SMYD3: variants seen among roughly 807,000 people sequenced by gnomAD.
SMYD3 encodes histone-lysine N-methyltransferase SMYD3.
In SMYD3, 36 loss-of-function variants were observed where a neutral mutation model predicts 57.7. The ratio of observed to expected loss-of-function variants is 0.62; its 90% CI spans 0.48 to 0.82. The LOEUF is 0.82. SMYD3 is among the 40% of genes least tolerant of loss of function. The pLI is 0.00. For missense variants in SMYD3, 515 were observed against 538.8 expected, an observed-to-expected ratio of 0.96 and a Z score of 0.44; for synonymous variants, 211 against 195.0, an observed-to-expected ratio of 1.08 and a Z score of -0.68.
Position 246,180,700 on chromosome 1 carries a change from A to G in SMYD3, c.531+146501T>C, listed in dbSNP as rs113764695. 1.8e-3 allele frequency among the ~76,000 whole-genome samples: 235 copies of G among 131,598 alleles called. 1 individual carries two copies. Among genetic ancestry groups the G allele is most frequent in the African/African-American group, 6.1e-3 (218 of 35,810 alleles). 86.3% of individuals were successfully genotyped at this position (131,598 alleles called of 152,430 possible). On this transcript the variant is annotated intron_variant, in intron 5 of 11. Transcript: ENST00000490107. ...CTTGAACCTGGGAGGCAGTGCTTGC[A>G]GTGAGCTGAGATCGCACCACCACAC... is the stretch of plus-strand genomic sequence containing the variant.
intron 10 of SMYD3, among the ~76,000 whole-genome samples, chr1:245,812,388 C>G (rs1332391814): frequency 1.3e-5 from 2 of 152,180 alleles, no homozygotes; most frequent in African/African-American, 4.8e-5. Context: ...AAACCTTCCC[C>G]TACTACCAGG....
At chr1:246,204,747 C>A (rs1350643827) in intron 5 of SMYD3, among the ~76,000 whole-genome samples, 1 of 152,184 alleles carries the variant, frequency 6.6e-6, no homozygotes, top group East Asian at 1.9e-4. Flanking sequence ...GTCCATTTAT[C>A]TGCATGCTTA....
intron 5 of SMYD3, among the ~76,000 whole-genome samples, chr1:246,047,064 A>G (rs1046126391): frequency 6.6e-6 from 1 of 152,236 alleles, no homozygotes; most frequent in African/African-American, 2.4e-5. Context: ...TTAAAATGTC[A>G]TGCTTTCTAA....
intron 1 of SMYD3, among the ~76,000 whole-genome samples, chr1:246,406,282 AT>A (rs2102977309): frequency 6.6e-6 from 1 of 152,282 alleles, no homozygotes; most frequent in South Asian, 2.1e-4. Context: ...AAATGACACA[AT>A]GTTTGTAAAT....
intron 5 of SMYD3, among the ~76,000 whole-genome samples, chr1:246,015,768 TC>T (rs1306470564): frequency 8.5e-5 from 13 of 152,336 alleles, no homozygotes; most frequent in African/African-American, 2.9e-4. Flanking sequence ...TGTCAAAGTT[TC>T]CTTTCTAAGG....
intron 5 of SMYD3, among the ~76,000 whole-genome samples, chr1:246,181,268 C>G (rs2062547380): frequency 6.6e-6 from 1 of 152,186 alleles, no homozygotes; most frequent in Non-Finnish European, 1.5e-5. Context: ...CAAAGGTTTT[C>G]CTGTACTCTT....
At chr1:246,359,606 T>C (rs953679436) in intron 1 of SMYD3, among the ~76,000 whole-genome samples, 21 of 152,090 alleles carry the variant, frequency 1.4e-4, no homozygotes, top group Admixed American at 2.0e-4. Context: ...ATCAAAAAGA[T>C]AATTCATCAT....
chr1:245,844,136 C>A (rs145547191), intron 10 of SMYD3, among the ~76,000 whole-genome samples: 10 of 152,288 alleles, frequency 6.6e-5, no homozygotes, highest in African/African-American at 2.4e-4. Flanking sequence ...TACAAGACAG[C>A]CTTTTAAAAT....
intron 10 of SMYD3, among the ~76,000 whole-genome samples, chr1:245,782,559 T>G (rs1036925747): frequency 6.6e-6 from 1 of 152,224 alleles, no homozygotes; most frequent in Admixed American, 6.5e-5. Flanking sequence ...TTTTAAATTC[T>G]GCAAATATAA....
At chr1:246,093,686 AAACT>A (rs1308134229) in intron 5 of SMYD3, among the ~76,000 whole-genome samples, 2 of 151,306 alleles carry the variant, frequency 1.3e-5, no homozygotes, top group Admixed American at 1.3e-4. Flanking sequence ...TGTATCAATA[AAACT>A]AATAAATTGA....
chr1:245,840,559 A>G (rs557307940), intron 10 of SMYD3, among the ~76,000 whole-genome samples: 2 of 152,314 alleles, frequency 1.3e-5, no homozygotes, highest in South Asian at 4.1e-4. Context: ...GGTTGCCAAT[A>G]AAAGAATTAA....
At chr1:245,922,787 C>T (rs1018078915) in intron 7 of SMYD3, among the ~76,000 whole-genome samples, 1 of 152,082 alleles carries the variant, frequency 6.6e-6, no homozygotes, top group African/African-American at 2.4e-5. Context: ...CTCCACACTG[C>T]GTAGTAGTAA....
chr1:246,053,899 A>G (rs1219943902), intron 5 of SMYD3, among the ~76,000 whole-genome samples: 2 of 152,180 alleles, frequency 1.3e-5, no homozygotes, highest in African/African-American at 4.8e-5. Flanking sequence ...AAGAAAACAC[A>G]AACTATAAAA....
intron 5 of SMYD3, among the ~76,000 whole-genome samples, chr1:246,097,368 G>T (rs1464139694): frequency 6.6e-6 from 1 of 152,112 alleles, no homozygotes. Context: ...AGAAGTATGT[G>T]GCAAGCAGCA....
intron 5 of SMYD3, among the ~76,000 whole-genome samples, chr1:246,086,357 C>T (rs1226645893): frequency 1.3e-5 from 2 of 152,048 alleles, no homozygotes; most frequent in African/African-American, 2.4e-5. Context: ...AGTTTTTGCG[C>T]CTGCCTAATA....
chr1:245,837,249 A>AG (rs1553338032), intron 10 of SMYD3, among the ~76,000 whole-genome samples: 7 of 151,230 alleles, frequency 4.6e-5, no homozygotes, highest in Admixed American at 2.0e-4. Context: ...AAAAAAAAAA[A>AG]AAGAAGAAGA....
At chr1:246,327,046 T>C in intron 5 of SMYD3, 155 bp downstream of exon 5, 1 of 836,724 alleles carries the variant, frequency 1.2e-6, no homozygotes, top group Non-Finnish European at 1.9e-6. Context: ...CACAATACAT[T>C]CTCTCATGCT....
chr1:245,995,743 G>C (rs1222212685), intron 5 of SMYD3, among the ~76,000 whole-genome samples: 3 of 152,224 alleles, frequency 2.0e-5, no homozygotes, highest in Non-Finnish European at 4.4e-5. Context: ...CTGCCACCCA[G>C]AAGCACAACT....
intron 1 of SMYD3, among the ~76,000 whole-genome samples, chr1:246,476,476 G>C (rs2068032851): frequency 1.3e-5 from 2 of 152,158 alleles, no homozygotes; most frequent in South Asian, 2.1e-4. Context: ...AAATCATTTA[G>C]TTACACTGAT....
Sources: gnomAD v4.1 joint callset for allele counts (sites outside exome capture counted in the v4.1 genomes callset) on GRCh38, gnomAD v4.1.1 for gene constraint, MANE v1.5 for transcripts, NCBI Gene and HGNC (gene_info 2026-07-23, HGNC 2026-07-21) for gene names.